Variants in PINLYP observed in about 807,000 individuals in gnomAD.
The protein encoded by PINLYP is phospholipase A2 inhibitor and Ly6/PLAUR domain-containing protein.
Under a neutral mutation model 15.8 loss-of-function variants are expected in PINLYP, and 12 were observed. The ratio of observed to expected loss-of-function variants is 0.76; its 90% CI spans 0.49 to 1.23. The LOEUF (loss-of-function observed/expected upper bound fraction) is 1.23, where lower values mean the gene tolerates loss of function less well. Ranked by LOEUF, PINLYP falls within the 50% of genes most tolerant of loss-of-function variation. The probability of loss-of-function intolerance (pLI) is 0.00; values close to 1 mark genes in which losing one functional copy is unlikely to be tolerated. For missense variants in PINLYP, 278 were observed against 264.2 expected, an observed-to-expected ratio of 1.05 and a Z score of -0.36; for synonymous variants, 93 against 97.7, an observed-to-expected ratio of 0.95 and a Z score of 0.28.
exon 3 of PINLYP, chr19:43,578,661 A>G: frequency 1.3e-6 from 2 of 1,536,038 alleles, no homozygotes; most frequent in Non-Finnish European, 1.7e-6. Flanking sequence ...GACCTGCAGC[A>G]GTGACAAGGA....
chr19:43,576,121 G>A lies in PINLYP; in HGVS notation c.-876G>A, dbSNP rs1467168360. ...GTGAGAGGGCGGCGGGTCTTGCCAT[G>A]TTGCCCAGACTGGTCTCGAACTCCT... On this transcript the variant is annotated 5_prime_UTR_variant, in exon 1 of 6. An upstream start codon of the reference 5' UTR is lost. Transcript: ENST00000599207. 1 of 152,124 alleles carries A rather than the reference G, an allele frequency of 6.6e-6. No individual in the cohort carries two copies. 9.4% of individuals were successfully genotyped at this position (152,124 alleles called of 1,614,324 possible).
At chr19:43,577,184 C>T in exon 2 of PINLYP, 2 of 1,536,092 alleles carry the variant, frequency 1.3e-6, no homozygotes, top group Non-Finnish European at 1.7e-6. Flanking sequence ...ACTGCTGATA[C>T]ACACACCATG....
chr19:43,577,922 A>C (rs1180260981), intron 2 of PINLYP, among the ~76,000 whole-genome samples: 1 of 152,104 alleles, frequency 6.6e-6, no homozygotes, highest in East Asian at 1.9e-4. Flanking sequence ...AAAATACATT[A>C]ATATCATATG....
rs1055619923 is a variant in PINLYP, at chr19:43,581,090, A to C, written c.188-122A>C. The C allele has an allele frequency of 3.6e-6, 4 of 1,121,056 alleles. No individual in the cohort carries two copies. In the African/African-American group the frequency reaches 6.4e-5, roughly 18 times the overall value. The allele number at this position is 1,121,056 out of a possible 1,614,324, so 69.4% of individuals were successfully genotyped here. On this transcript the variant is annotated intron_variant, in intron 3 of 5. Coordinates refer to ENST00000599207, the Ensembl canonical transcript of PINLYP. ...AAATAAGAAAAGAAAGAAAAAAAAG[A>C]AAGAGACCATCCCAGGAAGTTGTGG...
chr19:43,578,769 T>G, intron 3 of PINLYP, 63 bp downstream of exon 3: 3 of 1,261,610 alleles, frequency 2.4e-6, no homozygotes, highest in Non-Finnish European at 2.2e-6. Context: ...TGGAAGAGAC[T>G]ACCATGCTGA....
exon 6 of PINLYP, chr19:43,581,990 C>T (rs1259635432): frequency 3.3e-6 from 5 of 1,536,110 alleles, no homozygotes; most frequent in African/African-American, 2.7e-5. Context: ...AGAGTGCACT[C>T]ACTCCCCCTG....
chr19:43,575,515 G>T, upstream of PINLYP: 2 of 1,576,988 alleles, frequency 1.3e-6, no homozygotes, highest in South Asian at 1.1e-5. Context: ...GGGGTCCGAG[G>T]GGCAGGGAGA....
chr19:43,579,127 A>T (rs778544031), intron 3 of PINLYP: 14 of 223,732 alleles, frequency 6.3e-5, no homozygotes, highest in Non-Finnish European at 3.6e-5. Context: ...GTAATCAGGG[A>T]AGAGGTCATT....
At chr19:43,580,487 G>T (rs1460939617) in intron 3 of PINLYP, 1 of 975,448 alleles carries the variant, frequency 1.0e-6, no homozygotes, top group African/African-American at 1.8e-5. Context: ...GGGTTCATTG[G>T]AAGAGACTAC....
chr19:43,580,376 C>A, intron 3 of PINLYP: 1 of 265,670 alleles, frequency 3.8e-6, no homozygotes, highest in Non-Finnish European at 5.8e-6. Flanking sequence ...TTAAACAAGA[C>A]CTGAAAATAG....
intron 2 of PINLYP, 56 bp downstream of exon 2, chr19:43,577,317 G>C: frequency 6.7e-7 from 1 of 1,499,346 alleles, no homozygotes; most frequent in Non-Finnish European, 8.9e-7. Context: ...AGAGGTCCCA[G>C]ATTGAGAGAG....
upstream of PINLYP, chr19:43,575,683 G>C: frequency 2.4e-6 from 1 of 417,992 alleles, no homozygotes; most frequent in Non-Finnish European, 4.3e-6. Flanking sequence ...TTAGCAACGA[G>C]CGTTTCCTCC....
rs193020817 is a variant in PINLYP at position 43,577,133 on chromosome 19, C to A, written c.-59C>A. On this transcript the variant is annotated 5_prime_UTR_variant, in exon 2 of 6. Coordinates refer to ENST00000599207, the Ensembl canonical transcript of PINLYP. ...CCCGTAGGGTGAATGTGGGTCCAGA[C>A]CCACCCCTCCTCAGCTTCCTATAAA... 1.9e-3 allele frequency: 2,966 copies of A among 1,535,916 alleles called. 10 individuals are homozygous for A. Among genetic ancestry groups the A allele is most frequent in the South Asian group, 4.0e-3 (334 of 84,044 alleles).
At chr19:43,581,236 A>G in exon 4 of PINLYP, 2 of 1,537,048 alleles carry the variant, frequency 1.3e-6, no homozygotes, top group Non-Finnish European at 1.7e-6. Flanking sequence ...GTGCACACCT[A>G]CAAGGGCTGC....
exon 1 of PINLYP, among the ~76,000 whole-genome samples, chr19:43,576,348 C>A (rs574441584): frequency 2.6e-5 from 4 of 152,128 alleles, no homozygotes; most frequent in Non-Finnish European, 5.9e-5. Flanking sequence ...CACACACGCA[C>A]ATATACATAC....
At chr19:43,581,790 G>C in intron 5 of PINLYP, 78 bp from the exon 6 acceptor site, 2 of 1,533,636 alleles carry the variant, frequency 1.3e-6, no homozygotes, top group Non-Finnish European at 1.7e-6. Flanking sequence ...TTCCAGAGAA[G>C]TGGGTGAGGA....
At chr19:43,579,729 C>G (rs1032806711) in intron 3 of PINLYP, among the ~76,000 whole-genome samples, 15 of 145,964 alleles carry the variant, frequency 1.0e-4, no homozygotes, top group African/African-American at 3.6e-4. Flanking sequence ...AGAGATCCAT[C>G]TCTACAGAAA....
exon 1 of PINLYP, chr19:43,576,745 G>A (rs997984658): frequency 5.5e-6 from 1 of 180,384 alleles, no homozygotes; most frequent in Non-Finnish European, 1.2e-5. Flanking sequence ...GGACCAGCCT[G>A]GACATGCTGG....
At chr19:43,577,000 G>T in intron 1 of PINLYP, 81 bp downstream of exon 1, 1 of 1,041,570 alleles carries the variant, frequency 9.6e-7, no homozygotes, top group Non-Finnish European at 1.4e-6. Flanking sequence ...CTCCATGGAG[G>T]TGGGGGGCTG....
Sources: allele counts gnomAD v4.1 joint callset (sites outside exome capture counted in the v4.1 genomes callset), GRCh38; gene constraint gnomAD v4.1.1; transcripts MANE v1.5; gene names NCBI Gene and HGNC (gene_info 2026-07-23, HGNC 2026-07-21).